The following COLQ variants were observed in gnomAD, a reference collection of about 807,000 sequenced individuals.
COLQ encodes the protein acetylcholinesterase collagenic tail peptide.
COLQ carries 48 observed loss-of-function variants against 69.0 expected under a neutral mutation model. That is an observed-to-expected ratio of 0.70 (90% CI 0.55 to 0.88). The LOEUF (loss-of-function observed/expected upper bound fraction) is 0.88, where lower values mean the gene tolerates loss of function less well. COLQ is among the 40% of genes least tolerant of loss of function. The pLI is 0.00. For missense variants in COLQ, 618 were observed against 594.6 expected (o/e 1.04, Z -0.41); for synonymous variants, 217 against 211.2 (o/e 1.03, Z -0.24).
intron 1 of COLQ, among the ~76,000 whole-genome samples, chr3:15,505,178 A>G (rs2062891045): frequency 6.6e-6 from 1 of 152,224 alleles, no homozygotes; most frequent in Non-Finnish European, 1.5e-5. Flanking sequence ...GCACAGAGCT[A>G]AGGCACCAGT....
At chr3:15,466,670 T>A (rs1055156809) in intron 11 of COLQ, among the ~76,000 whole-genome samples, 5 of 152,118 alleles carry the variant, frequency 3.3e-5, no homozygotes, top group Non-Finnish European at 5.9e-5. Context: ...ATGTGGCACA[T>A]GGCAGCTGAA....
Position 15,484,663 on chromosome 3 carries a change from ATT to A in COLQ, c.321+3541_321+3542del, listed in dbSNP as rs565155695. On this transcript the variant is annotated intron_variant, in intron 3 of 16. Transcript: ENST00000383788. Reference sequence around the variant, plus strand: ...CTTCTCTTCTCGCTTCATTTCATTCATTTGATCTTCAATCACTGATACCCTTT... The same window carrying A: ...CTTCTCTTCTCGCTTCATTTCATTCATGATCTTCAATCACTGATACCCTTT... Among the ~76,000 whole-genome samples, 32 of 152,238 alleles carry A rather than the reference ATT, an allele frequency of 2.1e-4. No individual in the cohort carries two copies. The South Asian group carries it at 6.4e-3, about 31-fold the overall frequency.
chr3:15,465,794 G>A (rs73146126), intron 12 of COLQ, among the ~76,000 whole-genome samples: 1,699 of 151,170 alleles, frequency 0.011, 30 homozygotes, highest in African/African-American at 0.039. Flanking sequence ...AAAACAGAAC[G>A]GTTTTTGCCA....
intron 12 of COLQ, among the ~76,000 whole-genome samples, chr3:15,464,338 T>C (rs537412961): frequency 2.0e-5 from 3 of 152,352 alleles, no homozygotes; most frequent in African/African-American, 7.2e-5. Context: ...ACCAGGTATC[T>C]GTGGACCACA....
At chr3:15,479,890 T>C (rs2062448693) in intron 3 of COLQ, among the ~76,000 whole-genome samples, 2 of 152,220 alleles carry the variant, frequency 1.3e-5, no homozygotes, top group African/African-American at 4.8e-5. Context: ...AATTTTTGCC[T>C]TTCTTCAGCA....
intron 5 of COLQ, chr3:15,478,629 A>C (rs1054665838): frequency 1.0e-4 from 41 of 408,814 alleles, no homozygotes; most frequent in Non-Finnish European, 4.5e-6. Flanking sequence ...AGAGAGTGAC[A>C]GTCATTCAAT....
At chr3:15,464,622 T>C (rs534403179) in intron 12 of COLQ, among the ~76,000 whole-genome samples, 2 of 152,284 alleles carry the variant, frequency 1.3e-5, no homozygotes, top group African/African-American at 4.8e-5. Context: ...TCCCATGATG[T>C]GGTTGCAAAT....
chr3:15,461,483 G>C (rs1427988624), intron 12 of COLQ, among the ~76,000 whole-genome samples: 13 of 152,170 alleles, frequency 8.5e-5, no homozygotes, highest in Non-Finnish European at 1.9e-4. Context: ...TGTCTCAGCT[G>C]GGTTTCATCG....
intron 10 of COLQ, among the ~76,000 whole-genome samples, chr3:15,472,017 C>CT (rs1053901209): frequency 3.3e-5 from 5 of 149,820 alleles, no homozygotes; most frequent in Non-Finnish European, 7.4e-5. Flanking sequence ...TGGCCCTTCT[C>CT]TACATTAGCT....
intron 1 of COLQ, among the ~76,000 whole-genome samples, chr3:15,489,878 T>C (rs1406497118): frequency 6.6e-6 from 1 of 152,256 alleles, no homozygotes; most frequent in African/African-American, 2.4e-5. Context: ...CTGACCATTA[T>C]AAGGTTCAAT....
Position 15,502,491 on chromosome 3 carries a change from C to A in COLQ, c.107-12854G>T, listed in dbSNP as rs373430775. On this transcript the variant is annotated intron_variant, in intron 1 of 16. Coordinates refer to ENST00000383788, the MANE Select transcript of COLQ (RefSeq NM_005677.4). ...AGTGCAGCAGCACAATCCTGGCTCA[C>A]TGCAACCTCCACCTCCTGGGTTCAA... 3.0e-4 allele frequency among the ~76,000 whole-genome samples: 46 copies of A among 152,292 alleles called. 1 individual carries two copies. The highest frequency in any genetic ancestry group is 9.8e-4 in the Admixed American group (15 of 15,304).
At chr3:15,481,973 G>A (rs2062492834) in intron 3 of COLQ, among the ~76,000 whole-genome samples, 1 of 152,124 alleles carries the variant, frequency 6.6e-6, no homozygotes, top group African/African-American at 2.4e-5. Flanking sequence ...TCTCTTTGAA[G>A]CAATTGTGAA....
chr3:15,500,740 G>T (rs1311869116), intron 1 of COLQ, among the ~76,000 whole-genome samples: 1 of 151,826 alleles, frequency 6.6e-6, no homozygotes, highest in South Asian at 2.1e-4. Context: ...TCATTCTCTG[G>T]CATTGTCTCT....
intron 1 of COLQ, among the ~76,000 whole-genome samples, chr3:15,512,639 C>T (rs1464893266): frequency 6.6e-6 from 1 of 152,132 alleles, no homozygotes; most frequent in Non-Finnish European, 1.5e-5. Flanking sequence ...CCTTTTGACA[C>T]AATTAATTAT....
chr3:15,498,716 G>T lies in COLQ; in HGVS notation c.107-9079C>A. 5 of 1,541,946 alleles carry T rather than the reference G, an allele frequency of 3.2e-6. No homozygotes were observed. In the South Asian group the frequency reaches 6.0e-5, roughly 18 times the overall value. ...TAGGGGTGGGAGTTGGCCAATCCCTGCTTTGATGTTGCTTCTGCTCCAGAT... is the reference window on the plus strand; with the variant it reads ...TAGGGGTGGGAGTTGGCCAATCCCTTCTTTGATGTTGCTTCTGCTCCAGAT... On this transcript the variant is annotated intron_variant, in intron 1 of 16. Transcript: ENST00000383788.
chr3:15,515,868 C>T (rs935618644), intron 1 of COLQ, among the ~76,000 whole-genome samples: 1 of 152,176 alleles, frequency 6.6e-6, no homozygotes, highest in Non-Finnish European at 1.5e-5. Context: ...TATTTGGTGT[C>T]TCATCGAAGC....
chr3:15,494,991 A>C (rs1333885967), intron 1 of COLQ, among the ~76,000 whole-genome samples: 1 of 152,210 alleles, frequency 6.6e-6, no homozygotes, highest in Non-Finnish European at 1.5e-5. Context: ...TCCATTTTAC[A>C]GATCCATTAA....
Position 15,479,361 on chromosome 3 carries a change from T to G in COLQ, c.343A>C (p.Lys115Gln). ...ACCTTTTCTCCCTTTGGTCCTGTCT[T>G]GCCAGGAAGCCCCGGTGGACCCTAA... Reference protein sequence around the residue: ...GPQGPPGLPGKTGPKGEKGEL... With the variant: ...GPQGPPGLPGQTGPKGEKGEL... The change falls in exon 4 of 17, where the codon AAG becomes CAG. Residue 115 changes from lysine to glutamine, a missense_variant. Physicochemically the swap from Lys to Gln is moderately conservative, Grantham distance 53. Coordinates refer to ENST00000383788, the MANE Select transcript of COLQ (RefSeq NM_005677.4). The G allele has an allele frequency of 6.2e-7, 1 of 1,614,120 alleles. No homozygotes were observed. Among genetic ancestry groups the G allele is most frequent in the Non-Finnish European group, 8.5e-7 (1 of 1,179,962 alleles).
chr3:15,483,809 G>A (rs567208903), intron 3 of COLQ, among the ~76,000 whole-genome samples: 7 of 152,140 alleles, frequency 4.6e-5, no homozygotes, highest in Non-Finnish European at 1.0e-4. Context: ...TGTTGACAGT[G>A]GGGTGTTGAA....
Sources: gnomAD v4.1 joint callset for allele counts (sites outside exome capture counted in the v4.1 genomes callset) on GRCh38, gnomAD v4.1.1 for gene constraint, MANE v1.5 for transcripts, NCBI Gene and HGNC (gene_info 2026-07-23, HGNC 2026-07-21) for gene names.